The following ERBB4 variants were observed in gnomAD, a reference collection of about 807,000 sequenced individuals.
ERBB4 encodes erb-b2 receptor tyrosine kinase 4, also known as receptor tyrosine-protein kinase erbB-4.
A neutral mutation model predicts 158.0 loss-of-function variants in ERBB4; 42 were observed. The observed-to-expected ratio is 0.27, with a 90% CI of 0.21 to 0.34. ERBB4 has a LOEUF of 0.34. ERBB4 is among the 10% of genes least tolerant of loss of function. The pLI is 1.00. For synonymous variants in ERBB4, 583 were observed against 558.7 expected, an observed-to-expected ratio of 1.04 and a Z score of -0.61; for missense variants, 1,333 against 1,624.1, an observed-to-expected ratio of 0.82 and a Z score of 3.08.
At chr2:211,895,861 T>C (rs890179522) in intron 3 of ERBB4, among the ~76,000 whole-genome samples, 1 of 152,142 alleles carries the variant, frequency 6.6e-6, no homozygotes, top group Admixed American at 6.6e-5. Flanking sequence ...GCTGAGTCCA[T>C]AGGATTTTTC....
chr2:211,464,910 C>CAG (rs2064635431), intron 20 of ERBB4, among the ~76,000 whole-genome samples: 1 of 151,258 alleles, frequency 6.6e-6, no homozygotes, highest in East Asian at 2.0e-4. Context: ...ACAATACAAG[C>CAG]AGAGGCTTAA....
At chr2:211,655,312 T>C (rs1280403900) in intron 16 of ERBB4, among the ~76,000 whole-genome samples, 2 of 152,166 alleles carry the variant, frequency 1.3e-5, no homozygotes, top group African/African-American at 4.8e-5. Context: ...GCACGTTCTC[T>C]CACCCTCAAG....
intron 4 of ERBB4, among the ~76,000 whole-genome samples, chr2:211,769,592 C>G (rs1443593526): frequency 6.6e-6 from 1 of 152,158 alleles, no homozygotes; most frequent in Non-Finnish European, 1.5e-5. Context: ...TCAAGGATCC[C>G]AGTGTAAATC....
At chr2:212,147,157 ATTTTTTT>A (rs71397161) in intron 1 of ERBB4, among the ~76,000 whole-genome samples, 26 of 34,258 alleles carry the variant, frequency 7.6e-4, no homozygotes, top group Middle Eastern at 0.024. Flanking sequence ...TGCCCAGCTA[ATTTTTTT>A]TTTTTTTTTT....
chr2:212,253,104 G>T (rs1027471309), intron 1 of ERBB4, among the ~76,000 whole-genome samples: 1 of 151,654 alleles, frequency 6.6e-6, no homozygotes, highest in Non-Finnish European at 1.5e-5. Flanking sequence ...AATGTCTGTA[G>T]ATTTATTCTA....
At chr2:212,116,367 T>G (rs577735546) in intron 2 of ERBB4, among the ~76,000 whole-genome samples, 11 of 152,324 alleles carry the variant, frequency 7.2e-5, no homozygotes, top group African/African-American at 1.9e-4. Flanking sequence ...ATCTTTATCA[T>G]AGATACCATT....
chr2:211,708,841 G>T (rs1018878222), intron 9 of ERBB4, among the ~76,000 whole-genome samples: 48 of 151,966 alleles, frequency 3.2e-4, no homozygotes, highest in African/African-American at 1.1e-3. Flanking sequence ...AGTGTTTGAC[G>T]TGAGAGAAAG....
In ERBB4 at chr2:211,650,693, T is replaced by C. The variant is rs79232482; in HGVS notation, c.1946+7061A>G. On this transcript the variant is annotated intron_variant, in intron 16 of 27. Coordinates refer to ENST00000342788, the MANE Select transcript of ERBB4 (RefSeq NM_005235.3). Reference sequence around the variant, plus strand: ...ACTGGGCTGGAGCAGTGCAGTCCAATAGATCTATAATACAAGCTAAATAAG... The same window carrying C: ...ACTGGGCTGGAGCAGTGCAGTCCAACAGATCTATAATACAAGCTAAATAAG... 4.9e-3 allele frequency among the ~76,000 whole-genome samples: 746 copies of C among 152,240 alleles called. 8 individuals are homozygous for C. The highest frequency in any genetic ancestry group is 0.017 in the African/African-American group (700 of 41,554).
intron 25 of ERBB4, among the ~76,000 whole-genome samples, chr2:211,412,974 GA>G (rs1490271023): frequency 6.8e-6 from 1 of 147,734 alleles, no homozygotes; most frequent in East Asian, 2.0e-4. Flanking sequence ...AAGAAAGAAA[GA>G]AAGAAAAGAA....
intron 2 of ERBB4, among the ~76,000 whole-genome samples, chr2:212,122,985 C>T (rs2371476): frequency 0.41 from 62,598 of 152,044 alleles, 15,338 homozygotes; most frequent in Non-Finnish European, 0.55. Context: ...TTTCCTTTCC[C>T]TGCTTCAGAA....
chr2:211,830,346 C>G (rs1217239800), intron 3 of ERBB4, among the ~76,000 whole-genome samples: 1 of 152,090 alleles, frequency 6.6e-6, no homozygotes, highest in Admixed American at 6.6e-5. Flanking sequence ...GGGGCTTAAT[C>G]AAGGTGCTAA....
chr2:212,472,653 T>A (rs1689174459), intron 1 of ERBB4, among the ~76,000 whole-genome samples: 1 of 151,878 alleles, frequency 6.6e-6, no homozygotes, highest in African/African-American at 2.4e-5. Flanking sequence ...TAGTTTGTTT[T>A]AGTTTGAAAC....
At chr2:212,400,251 G>A (rs77783569) in intron 1 of ERBB4, among the ~76,000 whole-genome samples, 2,276 of 152,272 alleles carry the variant, frequency 0.015, 49 homozygotes, top group African/African-American at 0.052. Context: ...CTGGAGTGGG[G>A]AAGAGGATTT....
At chr2:211,426,996 C>A (rs1195650209) in intron 22 of ERBB4, among the ~76,000 whole-genome samples, 1 of 151,988 alleles carries the variant, frequency 6.6e-6, no homozygotes, top group East Asian at 1.9e-4. Context: ...TCAAGCATTT[C>A]CACTACATTT....
At chr2:211,589,179 TTAACA>T (rs1336251709) in intron 19 of ERBB4, among the ~76,000 whole-genome samples, 3 of 152,134 alleles carry the variant, frequency 2.0e-5, no homozygotes, top group African/African-American at 4.8e-5. Context: ...TTGTCCAATC[TTAACA>T]TAATATGAAC....
chr2:211,878,421 T>TA (rs1227037009), intron 3 of ERBB4, among the ~76,000 whole-genome samples: 2 of 152,150 alleles, frequency 1.3e-5, no homozygotes, highest in African/African-American at 4.8e-5. Flanking sequence ...GAAAAAGTAA[T>TA]AAAAGGTATT....
chr2:212,421,144 A>G (rs1291796739), intron 1 of ERBB4, among the ~76,000 whole-genome samples: 1 of 152,160 alleles, frequency 6.6e-6, no homozygotes, highest in South Asian at 2.1e-4. Flanking sequence ...GATATATTTC[A>G]AAGAATTTCA....
chr2:212,399,049 T>C (rs13400552), intron 1 of ERBB4, among the ~76,000 whole-genome samples: 2 of 151,980 alleles, frequency 1.3e-5, no homozygotes, highest in African/African-American at 4.8e-5. Context: ...GTTCAAGCGA[T>C]TCTCTTACCT....
Position 211,675,792 on chromosome 2 carries a change from T to TTATATATATATATATATATATATATATA in ERBB4, c.1623-2536_1623-2535insTATATATATATATATATATATATATATA, listed in dbSNP as rs34492305. 3.6e-3 allele frequency among the ~76,000 whole-genome samples: 331 copies of TTATATATATATATATATATATATATATA among 93,222 alleles called. 4 individuals are homozygous for TTATATATATATATATATATATATATATA. Among genetic ancestry groups the TTATATATATATATATATATATATATATA allele is most frequent in the Non-Finnish European group, 7.1e-3 (251 of 35,458 alleles). 61.2% of individuals were successfully genotyped at this position (93,222 alleles called of 152,430 possible). ...TATAATATATATATAAAATATAATATTATATATATATATATATAACAAATA... is the reference window on the plus strand; with the variant it reads ...TATAATATATATATAAAATATAATATTATATATATATATATATATATATATATATATATATATATATATATAACAAATA... On this transcript the variant is annotated intron_variant, in intron 13 of 27. Transcript: ENST00000342788.
Sources: gnomAD v4.1 joint callset for allele counts (sites outside exome capture counted in the v4.1 genomes callset) on GRCh38, gnomAD v4.1.1 for gene constraint, MANE v1.5 for transcripts, NCBI Gene and HGNC (gene_info 2026-07-23, HGNC 2026-07-21) for gene names.